Variants in DMRT1 observed in about 807,000 individuals in gnomAD.
DMRT1 encodes the protein doublesex- and mab-3-related transcription factor 1.
Under a neutral mutation model 32.3 loss-of-function variants are expected in DMRT1, and 7 were observed. The ratio of observed to expected loss-of-function variants is 0.22; its 90% CI spans 0.12 to 0.41. DMRT1 has a LOEUF of 0.41. DMRT1 is among the 10% of genes least tolerant of loss of function. DMRT1 has a pLI of 1.00. For missense variants in DMRT1, 625 were observed against 500.5 expected (o/e 1.25, Z -2.37); for synonymous variants, 278 against 206.1 (o/e 1.35, Z -2.99).
intron 2 of DMRT1, among the ~76,000 whole-genome samples, chr9:851,216 T>G (rs922524932): frequency 6.6e-6 from 1 of 152,106 alleles, no homozygotes; most frequent in Middle Eastern, 3.4e-3. Context: ...GTCAGTAGCT[T>G]AGTGAAATTT....
At position 842,027 on chromosome 9, in the gene DMRT1, G is replaced by C; in HGVS notation, c.189G>C (p.Leu63=). 1.9e-6 allele frequency: 3 copies of C among 1,548,898 alleles called. No homozygotes were observed. The highest frequency in any genetic ancestry group is 1.4e-5 in the African/African-American group (1 of 73,434). ...GCTCCGGCTCCGGGGCGTCGGACCT[G>C]GGTGCCGGGAGCAAGAAGTCCCCGC... ...GGGSGSGASD[L]GAGSKKSPRL... is the part of the protein sequence containing the mutation. Residue 63 remains leucine (L), a synonymous_variant, in exon 1 of 5, where the codon CTG becomes CTC. Transcript: ENST00000382276.
intron 2 of DMRT1, among the ~76,000 whole-genome samples, chr9:863,903 C>G (rs1308165766): frequency 6.6e-6 from 1 of 152,138 alleles, no homozygotes; most frequent in Admixed American, 6.5e-5. Flanking sequence ...CGGCCAACAT[C>G]AAGAATTTCC....
intron 2 of DMRT1, among the ~76,000 whole-genome samples, chr9:856,651 C>G (rs1285060909): frequency 6.6e-6 from 1 of 152,130 alleles, no homozygotes; most frequent in African/African-American, 2.4e-5. Flanking sequence ...TGATGAACAT[C>G]TGGGTTACTT....
intron 4 of DMRT1, among the ~76,000 whole-genome samples, chr9:944,590 G>A (rs1308670327): frequency 2.0e-5 from 3 of 152,180 alleles, no homozygotes; most frequent in African/African-American, 4.8e-5. Context: ...ATCTTTAATG[G>A]TGGAATTTCA....
At chr9:955,391 G>A (rs1819566981) in intron 4 of DMRT1, among the ~76,000 whole-genome samples, 1 of 152,152 alleles carries the variant, frequency 6.6e-6, no homozygotes, top group African/African-American at 2.4e-5. Context: ...AGGGAAAGAA[G>A]GAAAAGATTA....
chr9:853,738 C>T (rs939526425), intron 2 of DMRT1, among the ~76,000 whole-genome samples: 4 of 152,002 alleles, frequency 2.6e-5, no homozygotes, highest in Non-Finnish European at 4.4e-5. Flanking sequence ...CTCCTGACCT[C>T]AGGTGCTCCG....
intron 3 of DMRT1, among the ~76,000 whole-genome samples, chr9:911,470 ATTTTTTTTTTTTTTTTTTT>A (rs201141931): frequency 6.1e-4 from 41 of 67,002 alleles, no homozygotes; most frequent in South Asian, 3.6e-3. Context: ...GGTTAATTGC[ATTTTTTTTTTTTTTTTTTT>A]TTTTTTTTTT....
At chr9:922,664 G>A (rs1294446950) in intron 4 of DMRT1, among the ~76,000 whole-genome samples, 1 of 152,266 alleles carries the variant, frequency 6.6e-6, no homozygotes, top group Non-Finnish European at 1.5e-5. Flanking sequence ...TTGTGATCTC[G>A]GTTTAAAAGT....
At chr9:925,110 G>A (rs996183659) in intron 4 of DMRT1, among the ~76,000 whole-genome samples, 5 of 152,204 alleles carry the variant, frequency 3.3e-5, no homozygotes, top group African/African-American at 1.2e-4. Context: ...ACTGCAGCAT[G>A]TTAGCAAGAA....
At chr9:859,219 C>G (rs899799024) in intron 2 of DMRT1, among the ~76,000 whole-genome samples, 1 of 152,106 alleles carries the variant, frequency 6.6e-6, no homozygotes, top group Admixed American at 6.6e-5. Flanking sequence ...TGACTTCTTC[C>G]TTTGTTTTAA....
At chr9:946,398 G>T (rs1819247236) in intron 4 of DMRT1, among the ~76,000 whole-genome samples, 2 of 152,176 alleles carry the variant, frequency 1.3e-5, no homozygotes, top group African/African-American at 4.8e-5. Context: ...ATCAGAGCCA[G>T]CATGGTAAGG....
chr9:855,873 C>T (rs1029520194), intron 2 of DMRT1, among the ~76,000 whole-genome samples: 1 of 152,176 alleles, frequency 6.6e-6, no homozygotes, highest in African/African-American at 2.4e-5. Flanking sequence ...CTCACCTTGG[C>T]CTCCCAAAGT....
At chr9:954,576 G>A (rs59078930) in intron 4 of DMRT1, among the ~76,000 whole-genome samples, 2,207 of 152,114 alleles carry the variant, frequency 0.015, 57 homozygotes, top group African/African-American at 0.051. Context: ...GTTTGTTATT[G>A]GAGGAGGAGA....
chr9:859,542 G>A (rs770806793), intron 2 of DMRT1, among the ~76,000 whole-genome samples: 3 of 152,150 alleles, frequency 2.0e-5, no homozygotes, highest in Admixed American at 2.0e-4. Flanking sequence ...TTCTGTTTCA[G>A]CCTGAAGGTG....
rs368819810 is a variant in DMRT1, at chr9:968,004, T to A, written c.987T>A (p.Ser329Arg). 13 of 1,613,940 alleles carry A rather than the reference T, an allele frequency of 8.1e-6. No individual in the cohort carries two copies. Among genetic ancestry groups the A allele is most frequent in the Non-Finnish European group, 9.3e-6 (11 of 1,180,040 alleles). Residue 329 changes from serine to arginine, a missense_variant, in exon 5 of 5, where the codon AGT becomes AGA. Physicochemically the swap from Ser to Arg is moderately radical, Grantham distance 110. Around this residue, in one of 3 missense-constraint regions of DMRT1, gnomAD observed 416 missense variants for 321.6 expected, o/e 1.29. Coordinates refer to ENST00000382276, the MANE Select transcript of DMRT1 (RefSeq NM_021951.3). ...ARASVFSPPS[S>R]QDSGLVSLSS... is the part of the protein sequence containing the mutation. ...TCGCAGTATTCTCGCCGCCCAGCAGTCAAGATTCTGGCTTGGTTTCCCTCT... is the reference window on the plus strand; with the variant it reads ...TCGCAGTATTCTCGCCGCCCAGCAGACAAGATTCTGGCTTGGTTTCCCTCT...
At position 914,443 on chromosome 9, in the gene DMRT1, G is replaced by A. The variant is rs190018732; in HGVS notation, c.823-2320G>A. ...CAAAAAATTAGCCAGGCATGGTGGCGGGCGCCTGTAGTCCCAGCTACTCGG... is the reference window on the plus strand; with the variant it reads ...CAAAAAATTAGCCAGGCATGGTGGCAGGCGCCTGTAGTCCCAGCTACTCGG... On this transcript the variant is annotated intron_variant, in intron 3 of 4. Transcript: ENST00000382276. Among the ~76,000 whole-genome samples, 825 of 151,842 alleles carry A rather than the reference G, an allele frequency of 5.4e-3. 9 individuals are homozygous for A. Among genetic ancestry groups the A allele is most frequent in the African/African-American group, 0.019 (800 of 41,408 alleles).
Position 862,507 on chromosome 9 carries a change from G to A in DMRT1, c.538+15364G>A, listed in dbSNP as rs1815762327. ...GGTGCAAAGGGGAGACGAGGACCGT[G>A]CAATGGGGAGGGGGAGGGGGAGGGG... On this transcript the variant is annotated intron_variant, in intron 2 of 4. Transcript: ENST00000382276. Among the ~76,000 whole-genome samples the A allele has an allele frequency of 2.1e-5, 3 of 142,442 alleles. No individual in the cohort carries two copies. The Admixed American group carries it at 2.1e-4, about 10-fold the overall frequency. The allele number at this position is 142,442 out of a possible 152,430, so 93.4% of individuals were successfully genotyped here.
At chr9:876,009 C>A (rs922467573) in intron 2 of DMRT1, among the ~76,000 whole-genome samples, 2 of 152,164 alleles carry the variant, frequency 1.3e-5, no homozygotes, top group African/African-American at 4.8e-5. Context: ...CGCCCCTACA[C>A]TGGGGATGCT....
At chr9:864,876 C>T (rs74538069) in intron 2 of DMRT1, among the ~76,000 whole-genome samples, 1 of 152,004 alleles carries the variant, frequency 6.6e-6, no homozygotes, top group Admixed American at 6.5e-5. Context: ...CCAAAAGCTT[C>T]GACTAAACCA....
Sources: allele counts gnomAD v4.1 joint callset (sites outside exome capture counted in the v4.1 genomes callset), GRCh38; gene constraint gnomAD v4.1.1; regional missense constraint gnomAD v4.1.1; transcripts MANE v1.5; gene names NCBI Gene and HGNC (gene_info 2026-07-23, HGNC 2026-07-21).